The following RMDN3 variants were observed in gnomAD, a reference collection of about 807,000 sequenced individuals.
The protein encoded by RMDN3 is regulator of microtubule dynamics 3.
In RMDN3, 41 loss-of-function variants were observed where a neutral mutation model predicts 61.8. The observed-to-expected ratio is 0.66, with a 90% CI of 0.52 to 0.86. The LOEUF (loss-of-function observed/expected upper bound fraction) is 0.86, where lower values mean the gene tolerates loss of function less well. RMDN3 is among the 40% of genes least tolerant of loss of function. The pLI, the probability that RMDN3 is intolerant of heterozygous loss-of-function variation, is 0.00. For synonymous variants in RMDN3, 247 were observed against 232.0 expected (o/e 1.06, Z -0.59); for missense variants, 557 against 585.3 (o/e 0.95, Z 0.50).
chr15:40,743,993 G>A, intron 6 of RMDN3, 54 bp downstream of exon 6: 1 of 1,496,256 alleles, frequency 6.7e-7, no homozygotes. Context: ...AGATGGGCCA[G>A]CCCCACCCCT....
intron 4 of RMDN3, among the ~76,000 whole-genome samples, chr15:40,746,241 G>C (rs11631563): frequency 0.54 from 82,017 of 152,008 alleles, 22,518 homozygotes; most frequent in East Asian, 0.77. Flanking sequence ...CAAGGCTGGG[G>C]GCGGTGGCTC....
intron 6 of RMDN3, among the ~76,000 whole-genome samples, chr15:40,741,563 G>A (rs562363048): frequency 1.3e-5 from 2 of 149,080 alleles, no homozygotes; most frequent in Admixed American, 1.4e-4. Flanking sequence ...TGGAGCTTAC[G>A]GACCACCAGA....
chr15:40,751,426 C>A lies in RMDN3; in HGVS notation c.524G>T (p.Gly175Val). 6.2e-7 allele frequency: 1 copy of A among 1,613,926 alleles called. No homozygotes were observed. Among genetic ancestry groups the A allele is most frequent in the African/African-American group, 1.3e-5 (1 of 75,038 alleles). Residue 175 changes from glycine (G) to valine (V), a missense_variant and splice_region_variant, in exon 4 of 13, where the codon GGT (glycine) becomes GTT (valine). Coordinates refer to ENST00000338376, the MANE Select transcript of RMDN3 (RefSeq NM_018145.3). ...ATFTDAESEG[G>V]YTTANAESDN... Reference sequence around the variant, plus strand: ...ACTGCCTCCAAGAGAGACAACTCACCCCCCTTCACTCTCAGCATCTGTGAA... The same window carrying A: ...ACTGCCTCCAAGAGAGACAACTCACACCCCTTCACTCTCAGCATCTGTGAA...
At chr15:40,744,392 C>G in intron 5 of RMDN3, 1 of 442,982 alleles carries the variant, frequency 2.3e-6, no homozygotes, top group South Asian at 2.6e-5. Context: ...ATTCTGACCT[C>G]CTAGAACTGC....
chr15:40,745,374 T>A, intron 4 of RMDN3, 115 bp from the exon 5 acceptor site: 1 of 915,394 alleles, frequency 1.1e-6, no homozygotes, highest in Non-Finnish European at 1.7e-6. Flanking sequence ...AAGCACCAAA[T>A]CACAATCATT....
At chr15:40,752,826 A>T (rs1399724635) in intron 2 of RMDN3, among the ~76,000 whole-genome samples, 1 of 152,196 alleles carries the variant, frequency 6.6e-6, no homozygotes, top group Non-Finnish European at 1.5e-5. Flanking sequence ...ACAGCCACCT[A>T]TGGTAACTGA....
At position 40,739,893 on chromosome 15, in the gene RMDN3, A is replaced by C. The variant is rs1024889279; in HGVS notation, c.971+240T>G. Among the ~76,000 whole-genome samples, 3 of 152,156 alleles carry C rather than the reference A, an allele frequency of 2.0e-5. No individual in the cohort carries two copies. In the East Asian group the frequency reaches 5.8e-4, roughly 29 times the overall value. Reference sequence around the variant, plus strand: ...TCTTAACAAAGCTACTCATTTCTCCAAGCCCCATCAGAAAAAAAGCTTGTA... The same window carrying C: ...TCTTAACAAAGCTACTCATTTCTCCCAGCCCCATCAGAAAAAAAGCTTGTA... On this transcript the variant is annotated intron_variant, in intron 7 of 12. Coordinates refer to ENST00000338376, the MANE Select transcript of RMDN3 (RefSeq NM_018145.3).
chr15:40,743,808 A>C lies in RMDN3; in HGVS notation c.910+239T>G, dbSNP rs563293441. ...CGAATAACATTGATAGGATACAACT[A>C]CTCCTAGAAACACATGCACGTGTGT... is the stretch of plus-strand genomic sequence containing the variant. On this transcript the variant is annotated intron_variant, in intron 6 of 12. Transcript: ENST00000338376. Among the ~76,000 whole-genome samples the C allele has an allele frequency of 2.6e-5, 4 of 152,286 alleles. No individual in the cohort carries two copies. The South Asian group carries it at 8.3e-4, about 32-fold the overall frequency.
intron 12 of RMDN3, 128 bp from the exon 13 acceptor site, chr15:40,736,722 C>T (rs1897065851): frequency 2.6e-6 from 2 of 775,918 alleles, no homozygotes; most frequent in African/African-American, 1.7e-5. Flanking sequence ...CCTACTTCCC[C>T]AGGATAGCCT....
rs1770869165 is a variant in RMDN3, at chr15:40,745,012, C to G, written c.772G>C (p.Glu258Gln). ...TTGTTGAGCAGCAGCTGGAAGCCCTCCCGCTTGCCTTGCTCATCACCCCTG... is the reference window on the plus strand; with the variant it reads ...TTGTTGAGCAGCAGCTGGAAGCCCTGCCGCTTGCCTTGCTCATCACCCCTG... ...LHRGDEQGKR[E>Q]GFQLLLNNKL... Residue 258 changes from glutamate (E) to glutamine (Q), a missense_variant, in exon 5 of 13, where the codon GAG (glutamate) becomes CAG (glutamine). Glu to Gln is a conservative substitution (Grantham distance 29). Transcript: ENST00000338376. 1.2e-6 allele frequency: 2 copies of G among 1,609,788 alleles called. No homozygotes were observed. The highest frequency in any genetic ancestry group is 1.7e-6 in the Non-Finnish European group (2 of 1,176,638).
At chr15:40,746,077 G>A (rs1406087561) in intron 4 of RMDN3, among the ~76,000 whole-genome samples, 1 of 152,184 alleles carries the variant, frequency 6.6e-6, no homozygotes, top group Non-Finnish European at 1.5e-5. Flanking sequence ...GGCTCCTAAG[G>A]AGCCCCAACC....
chr15:40,751,833 G>A (rs1425728570), intron 3 of RMDN3, among the ~76,000 whole-genome samples, 153 bp downstream of exon 3: 1 of 152,220 alleles, frequency 6.6e-6, no homozygotes, highest in Non-Finnish European at 1.5e-5. Flanking sequence ...GCATGTGCAA[G>A]GCGAGGTACC....
Position 40,751,429 on chromosome 15 carries a change from C to A in RMDN3, c.521G>T (p.Gly174Val), listed in dbSNP as rs769229479. ...GCCTCCAAGAGAGACAACTCACCCC[C>A]CTTCACTCTCAGCATCTGTGAACGT... is the stretch of plus-strand genomic sequence containing the variant. Reference protein sequence around the residue: ...GATFTDAESEGGYTTANAESD... With the variant: ...GATFTDAESEVGYTTANAESD... Residue 174 changes from glycine to valine, a missense_variant, in exon 4 of 13, where the codon GGG becomes GTG. By Grantham distance (109) the Gly-to-Val change is moderately radical (BLOSUM62 -3). Coordinates refer to ENST00000338376, the MANE Select transcript of RMDN3 (RefSeq NM_018145.3). 10 of 1,614,166 alleles carry A rather than the reference C, an allele frequency of 6.2e-6. No homozygotes were observed. In the Admixed American group the frequency reaches 8.3e-5, roughly 13 times the overall value.
rs536065749 is a variant in RMDN3, at chr15:40,736,298, AT to A, written c.*242del. On this transcript the variant is annotated 3_prime_UTR_variant, in exon 13 of 13. Coordinates refer to ENST00000338376, the MANE Select transcript of RMDN3 (RefSeq NM_018145.3). ...AATCCTGGGGCAGGTGTGAATCTTG[AT>A]TTTTTTAAGAGATTACTCAAGGGAG... is the stretch of plus-strand genomic sequence containing the variant. 6.5e-6 allele frequency: 3 copies of A among 460,754 alleles called. No individual in the cohort carries two copies. 28.5% of individuals were successfully genotyped at this position (460,754 alleles called of 1,614,324 possible).
rs963862133 is a variant in RMDN3 at position 40,736,379 on chromosome 15, G to C, written c.*162C>G. 4.7e-6 allele frequency: 3 copies of C among 637,924 alleles called. No homozygotes were observed. Among genetic ancestry groups the C allele is most frequent in the Non-Finnish European group, 8.4e-6 (3 of 358,436 alleles). 39.5% of individuals were successfully genotyped at this position (637,924 alleles called of 1,614,324 possible). On this transcript the variant is annotated 3_prime_UTR_variant, in exon 13 of 13. Transcript: ENST00000338376. The stretch of plus-strand genomic sequence containing the variant: ...TGCCCCAATTCTAGATTAGGTTAGA[G>C]GTTAGAATAAATTAACTAATGGGGA...
At position 40,740,198 on chromosome 15, in the gene RMDN3, A is replaced by G. The variant is rs1231794643; in HGVS notation, c.911-5T>C. The G allele has an allele frequency of 6.2e-7, 1 of 1,605,740 alleles. No individual in the cohort carries two copies. Among genetic ancestry groups the G allele is most frequent in the Middle Eastern group, 1.7e-4 (1 of 6,052 alleles). Reference sequence around the variant, plus strand: ...CAGCCTCTGCTTCTTCTTTTCCTGTAGGACGAAGGTAGATCCAGAGTTGAC... The same window carrying G: ...CAGCCTCTGCTTCTTCTTTTCCTGTGGGACGAAGGTAGATCCAGAGTTGAC... On this transcript the variant is annotated splice_polypyrimidine_tract_variant and splice_region_variant and intron_variant, in intron 6 of 12. Transcript: ENST00000338376.
At chr15:40,736,693 G>A (rs535025636) in intron 12 of RMDN3, 99 bp from the exon 13 acceptor site, 3 of 1,020,662 alleles carry the variant, frequency 2.9e-6, no homozygotes, top group Non-Finnish European at 4.6e-6. Flanking sequence ...TCCTTCCTGA[G>A]CTCTGCTACA....
Position 40,754,738 on chromosome 15 carries a change from G to A in RMDN3, c.46C>T (p.Leu16=). 1 of 1,599,592 alleles carries A rather than the reference G, an allele frequency of 6.3e-7. No individual in the cohort carries two copies. Among genetic ancestry groups the A allele is most frequent in the Non-Finnish European group, 8.5e-7 (1 of 1,170,266 alleles). The part of the protein sequence containing the change: ...ALGGARAGLG[L]LLGTAAGLGF... ...AGGCCGGCGGCGGTACCCAGCAACA[G>A]TCCCAGCCCGGCACGGGCACCACCC... Residue 16 remains leucine (L), a synonymous_variant, in exon 2 of 13, where the codon CTG becomes TTG. Coordinates refer to ENST00000338376, the MANE Select transcript of RMDN3 (RefSeq NM_018145.3).
chr15:40,745,804 T>C (rs1238275718), intron 4 of RMDN3, among the ~76,000 whole-genome samples: 1 of 152,178 alleles, frequency 6.6e-6, no homozygotes, highest in Non-Finnish European at 1.5e-5. Flanking sequence ...TTTTGCCTTA[T>C]CAGTCAGAGA....
Sources: allele counts gnomAD v4.1 joint callset (sites outside exome capture counted in the v4.1 genomes callset), GRCh38; gene constraint gnomAD v4.1.1; transcripts MANE v1.5; gene names NCBI Gene and HGNC (gene_info 2026-07-23, HGNC 2026-07-21).